Variants in EPB41L4A observed in about 807,000 individuals in gnomAD.
EPB41L4A encodes the protein band 4.1-like protein 4A.
In EPB41L4A, 100 loss-of-function variants were observed where a neutral mutation model predicts 108.6. That is an observed-to-expected ratio of 0.92 (90% CI 0.78 to 1.09). EPB41L4A has a LOEUF of 1.09. Among genes scored for constraint, EPB41L4A ranks in the 50% least tolerant of loss-of-function variants. EPB41L4A has a pLI of 0.00. For synonymous variants in EPB41L4A, 319 were observed against 289.0 expected (o/e 1.10, Z -1.05); for missense variants, 1,030 against 842.7 (o/e 1.22, Z -2.75).
chr5:112,225,838 G>A (rs1470912083), intron 12 of EPB41L4A, among the ~76,000 whole-genome samples: 1 of 152,054 alleles, frequency 6.6e-6, no homozygotes, highest in East Asian at 1.9e-4. Context: ...TCTCTATATT[G>A]TAGACTGTAA....
At chr5:112,267,695 A>T (rs575694450) in intron 4 of EPB41L4A, among the ~76,000 whole-genome samples, 1 of 152,154 alleles carries the variant, frequency 6.6e-6, no homozygotes, top group Non-Finnish European at 1.5e-5. Flanking sequence ...CTGTTCTGCC[A>T]TCACTCATAC....
At chr5:112,221,079 T>C (rs1345980766) in intron 12 of EPB41L4A, among the ~76,000 whole-genome samples, 9 of 152,228 alleles carry the variant, frequency 5.9e-5, no homozygotes, top group Admixed American at 4.6e-4. Context: ...TCTTTTGTTA[T>C]GGGGACCTCA....
intron 1 of EPB41L4A, among the ~76,000 whole-genome samples, chr5:112,344,315 T>C (rs1408243886): frequency 6.6e-6 from 1 of 152,156 alleles, no homozygotes; most frequent in Non-Finnish European, 1.5e-5. Flanking sequence ...TACAGAAAAT[T>C]CTGTAGGACA....
intron 12 of EPB41L4A, among the ~76,000 whole-genome samples, chr5:112,212,438 G>T (rs1025933946): frequency 6.6e-6 from 1 of 151,886 alleles, no homozygotes; most frequent in African/African-American, 2.4e-5. Flanking sequence ...GATTACAGGC[G>T]CATGACACTG....
intron 5 of EPB41L4A, among the ~76,000 whole-genome samples, 157 bp from the exon 6 acceptor site, chr5:112,265,173 G>T (rs1171170537): frequency 6.6e-6 from 1 of 152,124 alleles, no homozygotes; most frequent in Non-Finnish European, 1.5e-5. Flanking sequence ...CAAATCTGAT[G>T]AGCATATACG....
intron 15 of EPB41L4A, among the ~76,000 whole-genome samples, chr5:112,197,614 T>C (rs1247388270): frequency 2.0e-5 from 3 of 152,244 alleles, no homozygotes; most frequent in Admixed American, 6.5e-5. Flanking sequence ...TCACTAATTC[T>C]TCAAACTCTG....
intron 1 of EPB41L4A, among the ~76,000 whole-genome samples, chr5:112,328,084 C>G (rs1428041877): frequency 1.3e-5 from 2 of 152,038 alleles, no homozygotes; most frequent in South Asian, 4.2e-4. Flanking sequence ...CCAAGGCAGG[C>G]AGATCACAAA....
At chr5:112,285,209 TC>T (rs1410114899) in intron 2 of EPB41L4A, among the ~76,000 whole-genome samples, 2 of 152,304 alleles carry the variant, frequency 1.3e-5, no homozygotes, top group East Asian at 3.9e-4. Context: ...TAATAAAGTT[TC>T]CTGTAGGCCA....
intron 19 of EPB41L4A, 83 bp downstream of exon 19, chr5:112,170,862 C>A: frequency 8.0e-7 from 1 of 1,244,518 alleles, no homozygotes; most frequent in Non-Finnish European, 1.2e-6. Context: ...GCTGAAGTTG[C>A]CTCTCAGTAT....
At chr5:112,251,761 G>A (rs931563771) in intron 9 of EPB41L4A, among the ~76,000 whole-genome samples, 2 of 152,116 alleles carry the variant, frequency 1.3e-5, no homozygotes, top group African/African-American at 4.8e-5. Flanking sequence ...AAACAAGAAC[G>A]TGAAGGAGAG....
At chr5:112,201,517 A>C (rs1762218642) in intron 15 of EPB41L4A, among the ~76,000 whole-genome samples, 1 of 152,188 alleles carries the variant, frequency 6.6e-6, no homozygotes, top group Non-Finnish European at 1.5e-5. Flanking sequence ...CTCATTTTCA[A>C]ATGTATTAAA....
intron 1 of EPB41L4A, among the ~76,000 whole-genome samples, chr5:112,385,442 A>G (rs907603526): frequency 6.6e-6 from 1 of 151,902 alleles, no homozygotes; most frequent in Non-Finnish European, 1.5e-5. Context: ...AAAATCACAG[A>G]AAAGCCAATC....
intron 1 of EPB41L4A, among the ~76,000 whole-genome samples, chr5:112,332,624 T>C (rs1325916068): frequency 1.3e-5 from 2 of 152,310 alleles, no homozygotes; most frequent in South Asian, 2.1e-4. Context: ...CCCTCTTCCT[T>C]TGTGCATTCT....
At chr5:112,211,112 A>T (rs554879808) in intron 12 of EPB41L4A, among the ~76,000 whole-genome samples, 65 of 152,060 alleles carry the variant, frequency 4.3e-4, no homozygotes, top group South Asian at 1.0e-3. Context: ...TAAAAGATTT[A>T]AAAAAAATGG....
intron 7 of EPB41L4A, among the ~76,000 whole-genome samples, chr5:112,260,489 T>C (rs7715098): frequency 0.025 from 3,782 of 152,314 alleles, 90 homozygotes; most frequent in African/African-American, 0.067. Context: ...TTATCTCCGA[T>C]GCGGACAATC....
At chr5:112,259,373 A>T in intron 8 of EPB41L4A, 81 bp from the exon 9 acceptor site, 1 of 1,141,494 alleles carries the variant, frequency 8.8e-7, no homozygotes, top group South Asian at 1.2e-5. Flanking sequence ...CAGTGGAAAA[A>T]GACTGGTGAA....
At chr5:112,284,597 G>T (rs1444387046) in intron 2 of EPB41L4A, among the ~76,000 whole-genome samples, 1 of 152,074 alleles carries the variant, frequency 6.6e-6, no homozygotes, top group African/African-American at 2.4e-5. Flanking sequence ...AGCTGGATGA[G>T]ATCCCATTTT....
intron 1 of EPB41L4A, among the ~76,000 whole-genome samples, chr5:112,376,512 C>T (rs951254403): frequency 6.6e-6 from 1 of 152,192 alleles, no homozygotes; most frequent in Non-Finnish European, 1.5e-5. Context: ...CCATATAACC[C>T]AGCTTTTGCT....
At chr5:112,419,469 C>G (rs1762950916), upstream of EPB41L4A, 4 of 364,226 alleles carry the variant, frequency 1.1e-5, no homozygotes, top group South Asian at 6.1e-5. Context: ...AGCGCTGCAC[C>G]TCCCTCCTGC....
Sources: allele counts gnomAD v4.1 joint callset (sites outside exome capture counted in the v4.1 genomes callset), GRCh38; gene constraint gnomAD v4.1.1; transcripts MANE v1.5; gene names NCBI Gene and HGNC (gene_info 2026-07-23, HGNC 2026-07-21).